The following PARD3B variants were observed in gnomAD, a reference collection of about 807,000 sequenced individuals.
PARD3B encodes the protein par-3 family cell polarity regulator beta.
In PARD3B, 103 loss-of-function variants were observed where a neutral mutation model predicts 130.2. The observed-to-expected ratio is 0.79, with a 90% confidence interval of 0.67 to 0.93. The LOEUF is 0.93. Among genes scored for constraint, PARD3B ranks in the 40% least tolerant of loss-of-function variants. The pLI is 0.00. For synonymous variants in PARD3B, 583 were observed against 553.2 expected, an observed-to-expected ratio of 1.05 and a Z score of -0.76; for missense variants, 1,609 against 1,499.2, an observed-to-expected ratio of 1.07 and a Z score of -1.21.
chr2:204,928,098 A>G (rs1356065963), intron 2 of PARD3B, among the ~76,000 whole-genome samples: 2 of 152,230 alleles, frequency 1.3e-5, no homozygotes, highest in African/African-American at 2.4e-5. Context: ...TTTTAGGTCA[A>G]TTAGGCAGCT....
At chr2:204,649,449 C>T (rs2035403617) in intron 1 of PARD3B, among the ~76,000 whole-genome samples, 1 of 151,758 alleles carries the variant, frequency 6.6e-6, no homozygotes, top group Non-Finnish European at 1.5e-5. Flanking sequence ...ACCACCCATC[C>T]CCACAAAGGA....
chr2:204,965,429 A>G (rs1691149374), intron 3 of PARD3B, 106 bp downstream of exon 3: 3 of 1,179,516 alleles, frequency 2.5e-6, no homozygotes, highest in African/African-American at 1.6e-5. Context: ...AATATTTTAT[A>G]TCGTGGTTTA....
At chr2:204,551,789 T>C (rs1202408796) in intron 1 of PARD3B, among the ~76,000 whole-genome samples, 1 of 152,176 alleles carries the variant, frequency 6.6e-6, no homozygotes, top group East Asian at 1.9e-4. Flanking sequence ...TTTGAAGAAG[T>C]TGGGCAAATG....
At chr2:204,846,857 C>T (rs1425909855) in intron 2 of PARD3B, among the ~76,000 whole-genome samples, 1 of 151,942 alleles carries the variant, frequency 6.6e-6, no homozygotes, top group East Asian at 1.9e-4. Context: ...TTCCCTGAAT[C>T]ACAGGGAATA....
intron 2 of PARD3B, among the ~76,000 whole-genome samples, chr2:204,758,422 C>A (rs1273317854): frequency 6.6e-6 from 1 of 152,078 alleles, no homozygotes; most frequent in African/African-American, 2.4e-5. Context: ...CTTATCAAAC[C>A]TGAAGGACAT....
chr2:204,984,421 G>C (rs756112081), intron 3 of PARD3B, among the ~76,000 whole-genome samples: 7 of 152,136 alleles, frequency 4.6e-5, no homozygotes, highest in African/African-American at 7.2e-5. Flanking sequence ...TAACACACAA[G>C]GGAAAATTTG....
At chr2:205,009,670 CAAA>C (rs11305876) in intron 3 of PARD3B, among the ~76,000 whole-genome samples, 19 of 128,486 alleles carry the variant, frequency 1.5e-4, no homozygotes, top group Admixed American at 2.3e-4. Flanking sequence ...GACTCCGTCT[CAAA>C]AAAAAAAAAA....
intron 4 of PARD3B, among the ~76,000 whole-genome samples, chr2:205,050,098 T>C (rs1317866512): frequency 5.9e-5 from 9 of 151,812 alleles, no homozygotes; most frequent in Non-Finnish European, 1.3e-4. Context: ...TGTTTTGGAC[T>C]TAGGAATGCA....
chr2:204,650,458 T>C (rs1206220139), intron 1 of PARD3B, among the ~76,000 whole-genome samples: 1 of 152,214 alleles, frequency 6.6e-6, no homozygotes, highest in Non-Finnish European at 1.5e-5. Flanking sequence ...AAATGTTCAT[T>C]GCAGCACTAT....
intron 16 of PARD3B, among the ~76,000 whole-genome samples, chr2:205,279,330 C>T (rs1233169693): frequency 6.6e-6 from 1 of 152,104 alleles, no homozygotes; most frequent in African/African-American, 2.4e-5. Flanking sequence ...TGGAACTATA[C>T]CTCACACGTG....
At position 205,253,476 on chromosome 2, in the gene PARD3B, C is replaced by T; in HGVS notation, c.2185+7654C>T. Reference sequence around the variant, plus strand: ...CACCTTGTGGATGGATGCAAAGAGACCAAACTTGGCGGGCACTGGAAGTAC... The same window carrying T: ...CACCTTGTGGATGGATGCAAAGAGATCAAACTTGGCGGGCACTGGAAGTAC... On this transcript the variant is annotated intron_variant, in intron 16 of 22. Coordinates refer to ENST00000406610, the MANE Select transcript of PARD3B (RefSeq NM_001302769.2). The surrounding 1 kb of genome is among the most constrained non-coding windows in gnomAD (Gnocchi z 4.4). The T allele has an allele frequency of 1.8e-6, 1 of 559,564 alleles. No homozygotes were observed. Among genetic ancestry groups the T allele is most frequent in the South Asian group, 1.4e-5 (1 of 72,568 alleles). The allele number at this position is 559,564 out of a possible 1,614,324, so 34.7% of individuals were successfully genotyped here. A position where few individuals can be genotyped will look rare whatever the true frequency, so the allele number is the denominator to read the frequency against.
At chr2:205,608,571 T>G (rs2055106299) in intron 22 of PARD3B, among the ~76,000 whole-genome samples, 1 of 152,174 alleles carries the variant, frequency 6.6e-6, no homozygotes, top group South Asian at 2.1e-4. Flanking sequence ...TATGTTGTTC[T>G]CAGTTATCTT....
intron 1 of PARD3B, among the ~76,000 whole-genome samples, chr2:204,596,666 T>C (rs7570984): frequency 0.049 from 7,477 of 152,258 alleles, 529 homozygotes; most frequent in African/African-American, 0.15. Context: ...CGGTGGCTCA[T>C]GCCTGTAATC....
intron 10 of PARD3B, among the ~76,000 whole-genome samples, chr2:205,143,435 A>G (rs892542237): frequency 6.6e-6 from 1 of 152,200 alleles, no homozygotes; most frequent in African/African-American, 2.4e-5. Context: ...ATTAAGATCC[A>G]TTAGTTCAGG....
At chr2:205,129,107 G>A (rs1346482982) in intron 10 of PARD3B, among the ~76,000 whole-genome samples, 1 of 152,188 alleles carries the variant, frequency 6.6e-6, no homozygotes, top group Admixed American at 6.5e-5. Flanking sequence ...TCCTTTAGAA[G>A]TTTCTAGCAA....
chr2:205,394,988 T>G (rs1211317512), intron 18 of PARD3B, among the ~76,000 whole-genome samples: 1 of 152,146 alleles, frequency 6.6e-6, no homozygotes, highest in African/African-American at 2.4e-5. Flanking sequence ...ATAGCTAAAA[T>G]GGTAAATTTT....
intron 21 of PARD3B, among the ~76,000 whole-genome samples, chr2:205,545,372 G>A (rs2052337590): frequency 6.6e-6 from 1 of 152,116 alleles, no homozygotes; most frequent in African/African-American, 2.4e-5. Flanking sequence ...TCTGTAACTA[G>A]GTAAGAGCAA....
chr2:204,581,712 T>C (rs559410360), intron 1 of PARD3B, among the ~76,000 whole-genome samples: 2 of 152,308 alleles, frequency 1.3e-5, no homozygotes, highest in South Asian at 4.1e-4. Context: ...TGCTACCTGT[T>C]TTCAGGATGC....
At chr2:205,038,536 A>G (rs140468772) in intron 3 of PARD3B, among the ~76,000 whole-genome samples, 15 of 152,306 alleles carry the variant, frequency 9.8e-5, no homozygotes, top group East Asian at 7.7e-4. Context: ...AAAATGTGAA[A>G]ACTTTAATAG....
Sources: gnomAD v4.1 joint callset for allele counts (sites outside exome capture counted in the v4.1 genomes callset) on GRCh38, gnomAD v4.1.1 for gene constraint, Gnocchi (gnomAD v3.1) non-coding constraint, MANE v1.5 for transcripts, NCBI Gene and HGNC (gene_info 2026-07-23, HGNC 2026-07-21) for gene names.